Variants in ATP10B observed in about 807,000 individuals in gnomAD.
The protein encoded by ATP10B is phospholipid-transporting ATPase VB.
ATP10B carries 122 observed loss-of-function variants against 141.2 expected under a neutral mutation model. The observed-to-expected ratio is 0.86, with a 90% CI of 0.75 to 1.00. The LOEUF is 1.00. Among genes scored for constraint, ATP10B ranks in the 50% least tolerant of loss-of-function variants. The pLI, the probability that ATP10B is intolerant of heterozygous loss-of-function variation, is 0.00. For synonymous variants in ATP10B, 685 were observed against 692.0 expected, an observed-to-expected ratio of 0.99 and a Z score of 0.16; for missense variants, 1,876 against 1,825.3, an observed-to-expected ratio of 1.03 and a Z score of -0.51.
At chr5:160,830,534 A>G (rs1774993287) in intron 1 of ATP10B, among the ~76,000 whole-genome samples, 1 of 152,084 alleles carries the variant, frequency 6.6e-6, no homozygotes, top group Non-Finnish European at 1.5e-5. Context: ...GTGTGCTCCC[A>G]GCTGTAGATT....
At chr5:160,618,006 C>T (rs902975629) in intron 15 of ATP10B, 33 bp from the exon 16 acceptor site, 12 of 1,524,784 alleles carry the variant, frequency 7.9e-6, no homozygotes, top group Admixed American at 1.7e-5. Context: ...CATGAGGCCA[C>T]ATACAAATGC....
At chr5:160,676,816 C>T (rs2127733718) in intron 6 of ATP10B, among the ~76,000 whole-genome samples, 1 of 152,256 alleles carries the variant, frequency 6.6e-6, no homozygotes, top group African/African-American at 2.4e-5. Context: ...AGGTTAGCTG[C>T]CTAATAATGG....
intron 24 of ATP10B, among the ~76,000 whole-genome samples, chr5:160,587,467 A>G (rs1035530110): frequency 6.6e-6 from 1 of 152,198 alleles, no homozygotes; most frequent in Non-Finnish European, 1.5e-5. Context: ...AATTCTGTGA[A>G]TAATGTTGAT....
At chr5:160,868,392 A>G in the ATP10B span, among the ~76,000 whole-genome samples, 1 of 152,138 alleles carries the variant, frequency 6.6e-6, no homozygotes, top group Non-Finnish European at 1.5e-5. Flanking sequence ...AGCTTTAGGC[A>G]GTTTATGCCA....
chr5:160,703,209 G>A (rs138371934), intron 3 of ATP10B, among the ~76,000 whole-genome samples: 2,194 of 152,086 alleles, frequency 0.014, 21 homozygotes, highest in Admixed American at 0.031. Flanking sequence ...ACATATAGGC[G>A]TAACTCGGAG....
At chr5:160,626,486 T>C (rs1758620167) in intron 13 of ATP10B, among the ~76,000 whole-genome samples, 2 of 152,222 alleles carry the variant, frequency 1.3e-5, no homozygotes. Flanking sequence ...CAAGCGAGGC[T>C]CATTGAAGTT....
At chr5:160,696,885 T>C (rs1444992204) in intron 3 of ATP10B, among the ~76,000 whole-genome samples, 1 of 152,236 alleles carries the variant, frequency 6.6e-6, no homozygotes. Context: ...TTGCTTTTTC[T>C]ACTTATTTTG....
chr5:160,783,326 G>C (rs1018879335), intron 2 of ATP10B, among the ~76,000 whole-genome samples: 5 of 149,806 alleles, frequency 3.3e-5, no homozygotes, highest in African/African-American at 9.8e-5. Context: ...GTGTCATCCA[G>C]GTCACTGCAA....
At position 160,755,465 on chromosome 5, in the gene ATP10B, T is replaced by C. The variant is rs1297127771; in HGVS notation, c.-331+30094A>G. ...TAGCCTATTACACACCTAGGCTATA[T>C]TGTATAATATAAATATGTAAAATAT... On this transcript the variant is annotated intron_variant, in intron 2 of 25. Transcript: ENST00000327245. Among the ~76,000 whole-genome samples the C allele has an allele frequency of 3.3e-5, 5 of 152,090 alleles. No individual in the cohort carries two copies. The East Asian group carries it at 7.7e-4, about 23-fold the overall frequency.
At chr5:160,653,507 T>C (rs1561704471) in intron 7 of ATP10B, among the ~76,000 whole-genome samples, 6 of 132,490 alleles carry the variant, frequency 4.5e-5, no homozygotes, top group Non-Finnish European at 9.3e-5. Flanking sequence ...TGTACATATA[T>C]ACATAGGTAG....
intron 5 of ATP10B, chr5:160,686,868 T>C (rs1354486071): frequency 1.2e-6 from 1 of 840,862 alleles, no homozygotes; most frequent in Non-Finnish European, 1.4e-6. Context: ...CTTATAATAA[T>C]AATTACAATA....
At chr5:160,821,975 C>G (rs1016387232) in intron 1 of ATP10B, among the ~76,000 whole-genome samples, 2 of 152,022 alleles carry the variant, frequency 1.3e-5, no homozygotes, top group African/African-American at 4.8e-5. Flanking sequence ...AATAATACCC[C>G]ACAAGGACAG....
At chr5:160,923,949 G>C in the ATP10B span, among the ~76,000 whole-genome samples, 1 of 152,232 alleles carries the variant, frequency 6.6e-6, no homozygotes, top group Non-Finnish European at 1.5e-5. Context: ...GCCTTGGAGA[G>C]ACCAACACTC....
At chr5:160,718,195 G>A (rs74367694) in intron 2 of ATP10B, among the ~76,000 whole-genome samples, 2,930 of 152,282 alleles carry the variant, frequency 0.019, 92 homozygotes, top group African/African-American at 0.063. Flanking sequence ...GTACACTGAC[G>A]TCCCTAGTGC....
intron 1 of ATP10B, among the ~76,000 whole-genome samples, chr5:160,843,439 G>T (rs992556179): frequency 6.6e-6 from 1 of 151,542 alleles, no homozygotes; most frequent in Non-Finnish European, 1.5e-5. Context: ...TGCCTGCCTC[G>T]TTGATTTAGA....
At chr5:160,741,696 AGAT>A (rs1041990478) in intron 2 of ATP10B, among the ~76,000 whole-genome samples, 3 of 152,198 alleles carry the variant, frequency 2.0e-5, no homozygotes, top group African/African-American at 7.2e-5. Flanking sequence ...AATTAGAGGC[AGAT>A]GATATTAACT....
the ATP10B span, among the ~76,000 whole-genome samples, chr5:160,909,989 C>T: frequency 3.3e-5 from 5 of 152,288 alleles, no homozygotes; most frequent in South Asian, 8.3e-4. Flanking sequence ...CACCTTTGAG[C>T]TTTAGTTCCT....
At chr5:160,605,228 T>C (rs958228905) in intron 19 of ATP10B, among the ~76,000 whole-genome samples, 9 of 152,288 alleles carry the variant, frequency 5.9e-5, no homozygotes, top group Middle Eastern at 3.4e-3. Flanking sequence ...TATTATGATA[T>C]AGAATATAAA....
chr5:160,785,643 C>G lies in ATP10B; in HGVS notation c.-415G>C, dbSNP rs745581612. On this transcript the variant is annotated 5_prime_UTR_variant, in exon 2 of 26. Transcript: ENST00000327245. The stretch of plus-strand genomic sequence containing the variant: ...GTGTTTATTGTTCTCATCTTTGTGT[C>G]CATGTGTAAGAAATGGTAGTTTCTC... The G allele has an allele frequency of 7.8e-7, 1 of 1,277,402 alleles. No homozygotes were observed. Among genetic ancestry groups the G allele is most frequent in the South Asian group, 1.2e-5 (1 of 80,780 alleles). The allele number at this position is 1,277,402 out of a possible 1,614,324, so 79.1% of individuals were successfully genotyped here. A position where few individuals can be genotyped will look rare whatever the true frequency, so the allele number is the denominator to read the frequency against.
Sources: allele counts gnomAD v4.1 joint callset (sites outside exome capture counted in the v4.1 genomes callset), GRCh38; gene constraint gnomAD v4.1.1; transcripts MANE v1.5; gene names NCBI Gene and HGNC (gene_info 2026-07-23, HGNC 2026-07-21).